MSH4: variants seen among roughly 807,000 people sequenced by gnomAD.
MSH4 encodes the protein mutS homolog 4.
Under a neutral mutation model 113.7 loss-of-function variants are expected in MSH4, and 106 were observed. The ratio of observed to expected loss-of-function variants is 0.93; its 90% CI spans 0.80 to 1.10. The LOEUF is 1.10. Ranked by LOEUF, MSH4 falls within the 50% of genes least tolerant of loss-of-function variation. MSH4 has a pLI of 0.00. For synonymous variants in MSH4, 368 were observed against 380.2 expected (o/e 0.97, Z 0.37); for missense variants, 1,061 against 1,093.7 (o/e 0.97, Z 0.42).
intron 4 of MSH4, among the ~76,000 whole-genome samples, chr1:75,813,585 A>G (rs994576289): frequency 3.3e-5 from 5 of 152,204 alleles, no homozygotes; most frequent in Non-Finnish European, 7.3e-5. Flanking sequence ...TGATAAGGTT[A>G]CATTTGGGCA....
intron 15 of MSH4, among the ~76,000 whole-genome samples, chr1:75,885,808 C>A (rs1979700): frequency 8.7e-6 from 1 of 114,942 alleles, no homozygotes; most frequent in Non-Finnish European, 1.6e-5. Flanking sequence ...TAATGTATTA[C>A]ATATTATGTA....
At chr1:75,904,644 G>A (rs1206422189) in intron 19 of MSH4, among the ~76,000 whole-genome samples, 3 of 151,804 alleles carry the variant, frequency 2.0e-5, no homozygotes, top group Admixed American at 1.3e-4. Flanking sequence ...CCAAATAGCT[G>A]AGACCACAGG....
chr1:75,892,156 G>T (rs115060141), intron 17 of MSH4, among the ~76,000 whole-genome samples: 1 of 152,128 alleles, frequency 6.6e-6, no homozygotes, highest in Non-Finnish European at 1.5e-5. Context: ...CTCCTTCCTG[G>T]CTGCCTTCAG....
intron 13 of MSH4, 135 bp from the exon 14 acceptor site, chr1:75,881,111 G>T (rs1262442511): frequency 1.6e-6 from 1 of 607,926 alleles, no homozygotes; most frequent in East Asian, 3.3e-5. Flanking sequence ...ATGAACAATA[G>T]GCTTTATCTA....
At chr1:75,803,177 A>C (rs1410933338) in intron 1 of MSH4, among the ~76,000 whole-genome samples, 1 of 152,190 alleles carries the variant, frequency 6.6e-6, no homozygotes, top group Non-Finnish European at 1.5e-5. Flanking sequence ...ATTAAAGGGT[A>C]ATTTATGATT....
intron 17 of MSH4, among the ~76,000 whole-genome samples, chr1:75,894,242 A>G (rs1652322964): frequency 6.6e-6 from 1 of 152,206 alleles, no homozygotes; most frequent in Admixed American, 6.5e-5. Flanking sequence ...GCACTCAGCC[A>G]CCAAGGACAA....
chr1:75,859,713 G>A (rs1651409811), intron 8 of MSH4, among the ~76,000 whole-genome samples: 1 of 152,146 alleles, frequency 6.6e-6, no homozygotes, highest in Admixed American at 6.5e-5. Context: ...AGTGTGATAT[G>A]GTGCTGAGAA....
intron 19 of MSH4, among the ~76,000 whole-genome samples, chr1:75,907,684 C>CTCTCTCTCTACATATA (rs1307238647): frequency 2.4e-4 from 11 of 46,574 alleles, no homozygotes; most frequent in Admixed American, 1.0e-3. Flanking sequence ...CTCTCTCTCT[C>CTCTCTCTCTACATATA]TATACATATA....
intron 9 of MSH4, among the ~76,000 whole-genome samples, chr1:75,873,853 T>C (rs1297485643): frequency 1.3e-5 from 2 of 152,176 alleles, no homozygotes; most frequent in South Asian, 2.1e-4. Context: ...ATGTCTTTGC[T>C]ATATTGTGAA....
In MSH4 at chr1:75,832,656, C is replaced by T. The variant is rs370655287; in HGVS notation, c.1162+10075C>T. On this transcript the variant is annotated intron_variant, in intron 7 of 19. Coordinates refer to ENST00000263187, the MANE Select transcript of MSH4 (RefSeq NM_002440.4). ...ATACTTTGAAGCAATATACGTAATC[C>T]ATCACATAAACAGAACCAAAGGCAA... 3.9e-4 allele frequency among the ~76,000 whole-genome samples: 60 copies of T among 152,176 alleles called. 1 individual carries two copies. The highest frequency in any genetic ancestry group is 1.4e-3 in the African/African-American group (59 of 41,524).
chr1:75,834,897 A>G (rs1650795426), intron 7 of MSH4, among the ~76,000 whole-genome samples: 1 of 152,260 alleles, frequency 6.6e-6, no homozygotes, highest in Admixed American at 6.5e-5. Context: ...CGTTGTGCAC[A>G]TGTACCCTAG....
chr1:75,847,814 TCA>T (rs1651106491), intron 7 of MSH4, among the ~76,000 whole-genome samples: 9 of 152,208 alleles, frequency 5.9e-5, no homozygotes, highest in Admixed American at 5.9e-4. Flanking sequence ...AACTCACTCA[TCA>T]CGGTAGGAAT....
At position 75,822,288 on chromosome 1, in the gene MSH4, CAAAAAAAA is replaced by C. The variant is rs33965683; in HGVS notation, c.990-110_990-103del. On this transcript the variant is annotated intron_variant, in intron 6 of 19. Coordinates refer to ENST00000263187, the MANE Select transcript of MSH4 (RefSeq NM_002440.4). ...TGGGAGAGAGAGCGAGACTCTGTTT[CAAAAAAAA>C]AAAAAAAAAAGAATCATTGCTGTAG... 64 of 387,168 alleles carry C rather than the reference CAAAAAAAA, an allele frequency of 1.7e-4. No homozygotes were observed. In the African/African-American group the frequency reaches 1.7e-3, roughly 10 times the overall value. 24.0% of individuals were successfully genotyped at this position (387,168 alleles called of 1,614,324 possible).
intron 1 of MSH4, among the ~76,000 whole-genome samples, chr1:75,802,073 G>A (rs1275084084): frequency 6.6e-6 from 1 of 151,986 alleles, no homozygotes; most frequent in African/African-American, 2.4e-5. Flanking sequence ...GGAGGGTGAG[G>A]TAGGAGGATT....
At chr1:75,803,971 T>C (rs763477018) in intron 2 of MSH4, 58 bp downstream of exon 2, 413 of 1,235,874 alleles carry the variant, frequency 3.3e-4, no homozygotes, top group Non-Finnish European at 4.1e-4. Context: ...GTTTTATAAA[T>C]TATAAATTAG....
intron 7 of MSH4, among the ~76,000 whole-genome samples, chr1:75,824,961 A>G (rs1570950685): frequency 8.1e-6 from 1 of 123,348 alleles, no homozygotes; most frequent in East Asian, 2.4e-4. Context: ...TTTTCATTCC[A>G]TATGAAATTT....
chr1:75,890,842 G>A lies in MSH4; in HGVS notation c.2355+18G>A, dbSNP rs780200996. 2 of 1,510,748 alleles carry A rather than the reference G, an allele frequency of 1.3e-6. No individual in the cohort carries two copies. Among genetic ancestry groups the A allele is most frequent in the Non-Finnish European group, 1.8e-6 (2 of 1,100,148 alleles). 93.6% of individuals were successfully genotyped at this position (1,510,748 alleles called of 1,614,324 possible). On this transcript the variant is annotated intron_variant, in intron 17 of 19. Coordinates refer to ENST00000263187, the MANE Select transcript of MSH4 (RefSeq NM_002440.4). The stretch of plus-strand genomic sequence containing the variant: ...GCTTAAAGGTATTCTTTTATTTTAA[G>A]TATATTGATTTTGAGTCCTTCTTTA...
chr1:75,889,250 G>A lies in MSH4; in HGVS notation c.2108-1G>A. 7.6e-7 allele frequency: 1 copy of A among 1,314,274 alleles called. No homozygotes were observed. The highest frequency in any genetic ancestry group is 1.1e-6 in the Non-Finnish European group (1 of 923,244). The allele number at this position is 1,314,274 out of a possible 1,614,324, so 81.4% of individuals were successfully genotyped here. Reference sequence around the variant, plus strand: ...GTTTATCTTGACCTTATATTTTACAGGATCATATGTTCCAGCAGAATATTC... The same window carrying A: ...GTTTATCTTGACCTTATATTTTACAAGATCATATGTTCCAGCAGAATATTC... On this transcript the variant is annotated splice_acceptor_variant, in intron 15 of 19. Transcript: ENST00000263187. LOFTEE classifies it high-confidence loss of function.
intron 7 of MSH4, among the ~76,000 whole-genome samples, chr1:75,839,719 G>C (rs1156916595): frequency 1.3e-5 from 2 of 150,344 alleles, no homozygotes; most frequent in African/African-American, 2.4e-5. Flanking sequence ...ACTACCATCA[G>C]AGTGAACAGG....
Sources: allele counts gnomAD v4.1 joint callset (sites outside exome capture counted in the v4.1 genomes callset), GRCh38; gene constraint gnomAD v4.1.1; transcripts MANE v1.5; gene names NCBI Gene and HGNC (gene_info 2026-07-23, HGNC 2026-07-21).